TMEM128: variants seen among roughly 807,000 people sequenced by gnomAD.
The protein encoded by TMEM128 is transmembrane protein 128.
In TMEM128, 16 loss-of-function variants were observed where a neutral mutation model predicts 19.7. That is an observed-to-expected ratio of 0.81 (90% CI 0.55 to 1.23). The LOEUF (loss-of-function observed/expected upper bound fraction) is 1.23, where lower values mean the gene tolerates loss of function less well. Ranked by LOEUF, TMEM128 falls within the 50% of genes most tolerant of loss-of-function variation. The pLI, the probability that TMEM128 is intolerant of heterozygous loss-of-function variation, is 0.00. For synonymous variants in TMEM128, 98 were observed against 75.8 expected, an observed-to-expected ratio of 1.29 and a Z score of -1.52; for missense variants, 237 against 200.8, an observed-to-expected ratio of 1.18 and a Z score of -1.09.
chr4:4,237,182 T>G (rs1368051511), intron 4 of TMEM128: 5 of 418,984 alleles, frequency 1.2e-5, no homozygotes, highest in Non-Finnish European at 1.9e-5. Flanking sequence ...TGGCAGAATT[T>G]TTTTTCCCAA....
At chr4:4,239,419 G>A (rs1358469287) in intron 3 of TMEM128, among the ~76,000 whole-genome samples, 2 of 152,102 alleles carry the variant, frequency 1.3e-5, no homozygotes, top group South Asian at 2.1e-4. Context: ...CAAACTATAA[G>A]GATCCACTGA....
chr4:4,247,586 TACATC>T (rs1560221777), intron 1 of TMEM128: 2 of 1,614,204 alleles, frequency 1.2e-6, no homozygotes, highest in Non-Finnish European at 8.5e-7. Context: ...CAGGTGAACA[TACATC>T]ACAAGTTACC....
At chr4:4,242,203 C>G (rs1030491833) in intron 2 of TMEM128, among the ~76,000 whole-genome samples, 1 of 152,074 alleles carries the variant, frequency 6.6e-6, no homozygotes, top group African/African-American at 2.4e-5. Context: ...CCACCATGCC[C>G]AGCCATCACT....
At chr4:4,242,548 C>T (rs925294365) in intron 2 of TMEM128, among the ~76,000 whole-genome samples, 1 of 151,186 alleles carries the variant, frequency 6.6e-6, no homozygotes, top group Non-Finnish European at 1.5e-5. Context: ...GACGGAGTCT[C>T]GCTGTTGTTG....
intron 3 of TMEM128, 84 bp downstream of exon 3, chr4:4,240,237 C>T (rs1406899998): frequency 2.8e-5 from 39 of 1,390,912 alleles, no homozygotes; most frequent in East Asian, 1.2e-4. Flanking sequence ...TTTTTTCTTT[C>T]GAAGTTTGGA....
intron 2 of TMEM128, among the ~76,000 whole-genome samples, chr4:4,240,971 G>A (rs1239162408): frequency 6.6e-6 from 1 of 152,200 alleles, no homozygotes; most frequent in East Asian, 1.9e-4. Flanking sequence ...AATCTTCTTG[G>A]GAGGATGAGG....
intron 2 of TMEM128, among the ~76,000 whole-genome samples, chr4:4,243,720 C>T (rs945644215): frequency 1.4e-4 from 22 of 152,196 alleles, no homozygotes; most frequent in African/African-American, 4.8e-4. Context: ...ATGACTTCTA[C>T]TTTCTTTCCA....
chr4:4,244,349 C>T lies in TMEM128; in HGVS notation c.239+1853G>A, dbSNP rs374611950. Among the ~76,000 whole-genome samples the T allele has an allele frequency of 8.2e-4, 125 of 152,138 alleles. 2 individuals are homozygous for T. In the South Asian group the frequency reaches 0.024, roughly 29 times the overall value. On this transcript the variant is annotated intron_variant, in intron 2 of 4. Transcript: ENST00000382753. ...CAAATTAGCCAGGCATGGTGGTGTGCGCCTATAGTCCTAGCTACTTGGGAG... is the reference window on the plus strand; with the variant it reads ...CAAATTAGCCAGGCATGGTGGTGTGTGCCTATAGTCCTAGCTACTTGGGAG...
Position 4,235,706 on chromosome 4 carries a change from C to T in TMEM128, c.*560G>A, listed in dbSNP as rs1717689782. ...ATTTTCATTTGGTCCTGTCACCTAACAAAACTATCATAAATATGAGATTAT... is the reference window on the plus strand; with the variant it reads ...ATTTTCATTTGGTCCTGTCACCTAATAAAACTATCATAAATATGAGATTAT... On this transcript the variant is annotated 3_prime_UTR_variant, in exon 5 of 5. Transcript: ENST00000382753. 2 of 152,550 alleles carry T rather than the reference C, an allele frequency of 1.3e-5. No individual in the cohort carries two copies. Among genetic ancestry groups the T allele is most frequent in the Non-Finnish European group, 2.9e-5 (2 of 68,008 alleles). 9.4% of individuals were successfully genotyped at this position (152,550 alleles called of 1,614,324 possible). A position where few individuals can be genotyped will look rare whatever the true frequency, so the allele number is the denominator to read the frequency against.
At chr4:4,247,572 T>C in intron 1 of TMEM128, 1 of 1,614,160 alleles carries the variant, frequency 6.2e-7, no homozygotes, top group South Asian at 1.1e-5. Flanking sequence ...ATTCTATGCA[T>C]TCACAGGTGA....
chr4:4,246,165 C>A, intron 2 of TMEM128, 37 bp downstream of exon 2: 1 of 1,570,020 alleles, frequency 6.4e-7, no homozygotes, highest in Non-Finnish European at 8.6e-7. Flanking sequence ...AAAAATCAGA[C>A]TTGGGTTTAA....
Position 4,236,600 on chromosome 4 carries a change from T to G in TMEM128, c.*10-344A>C, listed in dbSNP as rs1055959844. On this transcript the variant is annotated intron_variant, in intron 4 of 4. Transcript: ENST00000382753. ...TTGTGGCACCACAGGTGTACAGGAA[T>G]GAAGGGCCTCCTGTGAGGGTTCCCA... Among the ~76,000 whole-genome samples, 65 of 152,162 alleles carry G rather than the reference T, an allele frequency of 4.3e-4. 1 individual carries two copies. Among genetic ancestry groups the G allele is most frequent in the African/African-American group, 1.5e-3 (62 of 41,440 alleles).
intron 2 of TMEM128, among the ~76,000 whole-genome samples, chr4:4,245,485 C>T (rs564815970): frequency 6.6e-6 from 1 of 152,300 alleles, no homozygotes; most frequent in South Asian, 2.1e-4. Context: ...GGCTCTTCCT[C>T]CCAGTACTCT....
chr4:4,245,775 AATATATAC>A (rs910017460), intron 2 of TMEM128, among the ~76,000 whole-genome samples: 13 of 152,040 alleles, frequency 8.6e-5, no homozygotes, highest in African/African-American at 2.2e-4. Context: ...CACACACATG[AATATATAC>A]ATATATACAT....
At chr4:4,248,059 G>C (rs931723917) in intron 1 of TMEM128, 47 bp downstream of exon 1, 5 of 1,529,644 alleles carry the variant, frequency 3.3e-6, no homozygotes, top group Admixed American at 4.0e-5. Context: ...GCCGTTTTCC[G>C]ACGCCTCGCC....
rs1370579913 is a variant in TMEM128 at position 4,248,133 on chromosome 4, G to C, written c.70C>G (p.Leu24Val). 1 of 1,534,800 alleles carries C rather than the reference G, an allele frequency of 6.5e-7. No homozygotes were observed. Among genetic ancestry groups the C allele is most frequent in the Admixed American group, 2.0e-5 (1 of 50,544 alleles). Residue 24 changes from leucine (L) to valine (V), a missense_variant, in exon 1 of 5, where the codon CTG (leucine) becomes GTG (valine). Physicochemically the swap from Leu to Val is conservative, Grantham distance 32. Coordinates refer to ENST00000382753, the MANE Select transcript of TMEM128 (RefSeq NM_001297551.2). The part of the protein sequence containing the change: ...FLLLPDAEAQ[L>V]DREGDAGPET... ...GGCCCGGCGTCACCCTCGCGGTCCA[G>C]CTGGGCCTCGGCGTCCGGCAGGAGG...
chr4:4,246,011 C>T (rs76057057), intron 2 of TMEM128, among the ~76,000 whole-genome samples, 191 bp downstream of exon 2: 1,529 of 152,196 alleles, frequency 0.01, 27 homozygotes, highest in African/African-American at 0.036. Context: ...ATCTCCAGAC[C>T]TTATTCATCT....
In TMEM128 at chr4:4,235,544, A is replaced by AG. The variant is rs1191076011; in HGVS notation, c.*721dup. The AG allele has an allele frequency of 1.3e-5, 2 of 152,508 alleles. No homozygotes were observed. Among genetic ancestry groups the AG allele is most frequent in the African/African-American group, 4.8e-5 (2 of 41,468 alleles). The allele number at this position is 152,508 out of a possible 1,614,324, so 9.4% of individuals were successfully genotyped here. On this transcript the variant is annotated 3_prime_UTR_variant, in exon 5 of 5. Transcript: ENST00000382753. ...TTCGCATGAACAAAACTCACAAGAA[A>AG]GTTATAAAAATATTTTATTTAAATG...
chr4:4,236,723 G>C (rs975242089), intron 4 of TMEM128, among the ~76,000 whole-genome samples: 1 of 152,244 alleles, frequency 6.6e-6, no homozygotes, highest in Non-Finnish European at 1.5e-5. Context: ...AACAATGAGA[G>C]TATGTCCATT....
Sources: gnomAD v4.1 joint callset for allele counts (sites outside exome capture counted in the v4.1 genomes callset) on GRCh38, gnomAD v4.1.1 for gene constraint, MANE v1.5 for transcripts, NCBI Gene and HGNC (gene_info 2026-07-23, HGNC 2026-07-21) for gene names.